FARSB: variants seen among roughly 807,000 people sequenced by gnomAD.
The protein encoded by FARSB is phenylalanine--tRNA ligase beta subunit.
FARSB carries 40 observed loss-of-function variants against 69.6 expected under a neutral mutation model. That is an observed-to-expected ratio of 0.57 (90% CI 0.45 to 0.75). The LOEUF (loss-of-function observed/expected upper bound fraction) is 0.75, where lower values mean the gene tolerates loss of function less well. FARSB is among the 30% of genes least tolerant of loss of function. The probability of loss-of-function intolerance (pLI) is 0.00; values close to 1 mark genes in which losing one functional copy is unlikely to be tolerated. For synonymous variants in FARSB, 235 were observed against 247.2 expected (o/e 0.95, Z 0.46); for missense variants, 632 against 722.9 (o/e 0.87, Z 1.44).
At chr2:222,646,330 T>G (rs1691855742) in intron 2 of FARSB, among the ~76,000 whole-genome samples, 1 of 120,086 alleles carries the variant, frequency 8.3e-6, no homozygotes, top group South Asian at 2.4e-4. Flanking sequence ...GCAGATAAAA[T>G]CTTCTTGGGT....
At chr2:222,581,905 C>CAAAGACAAGAAGTCTGGT (rs2106180814) in intron 16 of FARSB, among the ~76,000 whole-genome samples, 1 of 152,290 alleles carries the variant, frequency 6.6e-6, no homozygotes, top group East Asian at 1.9e-4. Context: ...GAAAGACTGG[C>CAAAGACAAGAAGTCTGGT]AAAGACAAGA....
Position 222,628,162 on chromosome 2 carries a change from C to T in FARSB, c.900+675G>A, listed in dbSNP as rs145547154. Among the ~76,000 whole-genome samples the T allele has an allele frequency of 8.7e-3, 1,331 of 152,246 alleles. 11 individuals are homozygous for T. The highest frequency in any genetic ancestry group is 0.012 in the Non-Finnish European group (827 of 68,014). On this transcript the variant is annotated intron_variant, in intron 10 of 16. Coordinates refer to ENST00000281828, the MANE Select transcript of FARSB (RefSeq NM_005687.5). ...AATTCAAGCGTGAACAGACTATGTT[C>T]GGAGGGCTGAGTAATCTTAAAAGGA...
chr2:222,604,607 G>T (rs554821093), intron 15 of FARSB, among the ~76,000 whole-genome samples: 15 of 152,256 alleles, frequency 9.9e-5, no homozygotes, highest in African/African-American at 3.6e-4. Context: ...CCAGGCTGGA[G>T]TGCAGCAGCA....
intron 15 of FARSB, among the ~76,000 whole-genome samples, chr2:222,613,402 G>A (rs966175047): frequency 6.6e-6 from 1 of 152,118 alleles, no homozygotes; most frequent in Admixed American, 6.6e-5. Flanking sequence ...AAAATTAGCC[G>A]GGTGTGGTGG....
chr2:222,645,717 T>C (rs1355042463), intron 2 of FARSB, among the ~76,000 whole-genome samples: 1 of 152,098 alleles, frequency 6.6e-6, no homozygotes, highest in African/African-American at 2.4e-5. Context: ...TTTTCAAGTA[T>C]TTTACCATAG....
Position 222,599,919 on chromosome 2 carries a change from C to T in FARSB, c.1618+9G>A, listed in dbSNP as rs140241710. The T allele has an allele frequency of 1.3e-6, 2 of 1,576,890 alleles. No homozygotes were observed. The highest frequency in any genetic ancestry group is 2.1e-5 in the Admixed American group (1 of 48,564). On this transcript the variant is annotated intron_variant, in intron 16 of 16. Transcript: ENST00000281828. ...GTCACTAACTCTGGATTCGGCTCAT[C>T]TGTCTTACCTTCTGATGCTTTGATC...
chr2:222,629,110 G>A (rs927229835), intron 9 of FARSB, among the ~76,000 whole-genome samples: 6 of 152,034 alleles, frequency 3.9e-5, no homozygotes, highest in African/African-American at 1.2e-4. Flanking sequence ...CCACCTACTT[G>A]AAAGGTTTAT....
At position 222,637,174 on chromosome 2, in the gene FARSB, G is replaced by A. The variant is rs114647102; in HGVS notation, c.455+2406C>T. Among the ~76,000 whole-genome samples the A allele has an allele frequency of 6.0e-3, 919 of 152,182 alleles. 11 individuals are homozygous for A. The highest frequency in any genetic ancestry group is 0.021 in the African/African-American group (862 of 41,500). On this transcript the variant is annotated intron_variant, in intron 5 of 16. Transcript: ENST00000281828. ...AGATTTACTCTTGCCTGAAACAACC[G>A]AAGAGCAAAATATATGGAGCAATAG...
Position 222,568,177 on chromosome 2 carries a change from T to G in FARSB, c.*3694A>C, listed in dbSNP as rs1689662556. 1 of 152,192 alleles carries G rather than the reference T, an allele frequency of 6.6e-6. No homozygotes were observed. Among genetic ancestry groups the G allele is most frequent in the Non-Finnish European group, 1.5e-5 (1 of 68,036 alleles). 9.4% of individuals were successfully genotyped at this position (152,192 alleles called of 1,614,324 possible). ...AAATTGTTAACAGCAGTTAGTTACT[T>G]CAGGGAATCAGGAGGAAGAAAGGTA... is the stretch of plus-strand genomic sequence containing the variant. On this transcript the variant is annotated 3_prime_UTR_variant, in exon 17 of 17. Coordinates refer to ENST00000281828, the MANE Select transcript of FARSB (RefSeq NM_005687.5). This position sits in a 1 kb window ranked among gnomAD's most constrained non-coding sequence, Gnocchi z 4.3.
intron 11 of FARSB, 36 bp from the exon 12 acceptor site, chr2:222,624,515 G>T: frequency 2.9e-6 from 4 of 1,397,976 alleles, no homozygotes; most frequent in Non-Finnish European, 4.0e-6. Context: ...AACTTCATTG[G>T]ATTATTTTTT....
intron 16 of FARSB, among the ~76,000 whole-genome samples, chr2:222,596,208 AT>A (rs908652328): frequency 8.5e-5 from 13 of 152,132 alleles, no homozygotes; most frequent in African/African-American, 2.9e-4. Flanking sequence ...GATACTCCAC[AT>A]GCTGCAGAGG....
At chr2:222,604,362 G>C (rs1690647305) in intron 15 of FARSB, among the ~76,000 whole-genome samples, 1 of 152,062 alleles carries the variant, frequency 6.6e-6, no homozygotes, top group Non-Finnish European at 1.5e-5. Context: ...GAAGTTTCTA[G>C]CCATGAAAGT....
At chr2:222,621,327 C>T (rs955771097) in intron 13 of FARSB, among the ~76,000 whole-genome samples, 13 of 152,124 alleles carry the variant, frequency 8.5e-5, no homozygotes, top group African/African-American at 3.1e-4. Flanking sequence ...CTCACCCTGT[C>T]GCCCACACTG....
At chr2:222,647,816 A>G (rs895708968) in intron 2 of FARSB, among the ~76,000 whole-genome samples, 1 of 152,214 alleles carries the variant, frequency 6.6e-6, no homozygotes, top group Non-Finnish European at 1.5e-5. Context: ...GCACTTTGGG[A>G]GGCCAAAGCA....
At chr2:222,615,702 G>C (rs1690978778) in intron 14 of FARSB, among the ~76,000 whole-genome samples, 2 of 152,328 alleles carry the variant, frequency 1.3e-5, no homozygotes, top group South Asian at 4.1e-4. Context: ...GACACTCTTA[G>C]ATCCTGCACA....
rs138763611 is a variant in FARSB, at chr2:222,615,210, G to A, written c.1345-1282C>T. On this transcript the variant is annotated intron_variant, in intron 14 of 16. Coordinates refer to ENST00000281828, the MANE Select transcript of FARSB (RefSeq NM_005687.5). The stretch of plus-strand genomic sequence containing the variant: ...CCAGAAGAGTTTTATAAGCAGTGGT[G>A]TAACATTATTGTGAGAGTCTGGGCT... 1.5e-3 allele frequency among the ~76,000 whole-genome samples: 221 copies of A among 152,308 alleles called. 1 individual carries two copies. The highest frequency in any genetic ancestry group is 0.013 in the Admixed American group (193 of 15,300).
intron 2 of FARSB, chr2:222,644,584 A>G (rs1691800829): frequency 4.5e-6 from 2 of 442,312 alleles, no homozygotes; most frequent in Non-Finnish European, 9.1e-6. Context: ...AGAGAAGATA[A>G]TATAATAACC....
Position 222,630,080 on chromosome 2 carries a change from T to C in FARSB, c.848+33A>G, listed in dbSNP as rs778029153. The C allele has an allele frequency of 6.1e-6, 8 of 1,311,196 alleles. No homozygotes were observed. In the East Asian group the frequency reaches 9.7e-5, roughly 16 times the overall value. 81.2% of individuals were successfully genotyped at this position (1,311,196 alleles called of 1,614,324 possible). ...GCACAAAGCCTCGCCTTCAGAACAA[T>C]GGGCCATCAATAAAGGTGCTGGATG... On this transcript the variant is annotated intron_variant, in intron 9 of 16. Transcript: ENST00000281828.
intron 16 of FARSB, among the ~76,000 whole-genome samples, chr2:222,590,994 T>C (rs1041526779): frequency 1.4e-4 from 22 of 152,224 alleles, no homozygotes; most frequent in Admixed American, 9.8e-4. Flanking sequence ...TTTTGGAACA[T>C]AGATAAACTC....
Sources: gnomAD v4.1 joint callset for allele counts (sites outside exome capture counted in the v4.1 genomes callset) on GRCh38, gnomAD v4.1.1 for gene constraint, Gnocchi (gnomAD v3.1) non-coding constraint, MANE v1.5 for transcripts, NCBI Gene and HGNC (gene_info 2026-07-23, HGNC 2026-07-21) for gene names.